The following CRK variants were observed in gnomAD, a reference collection of about 807,000 sequenced individuals.
The protein encoded by CRK is CRK proto-oncogene, adaptor protein.
Under a neutral mutation model 29.8 loss-of-function variants are expected in CRK, and 4 were observed. The observed-to-expected ratio is 0.13, with a 90% confidence interval of 0.07 to 0.31. The LOEUF (loss-of-function observed/expected upper bound fraction) is 0.31, where lower values mean the gene tolerates loss of function less well. CRK is among the 10% of genes least tolerant of loss of function. CRK has a pLI of 1.00. For missense variants in CRK, 274 were observed against 396.5 expected, an observed-to-expected ratio of 0.69 and a Z score of 2.62; for synonymous variants, 153 against 164.9, an observed-to-expected ratio of 0.93 and a Z score of 0.55.
intron 2 of CRK, among the ~76,000 whole-genome samples, chr17:1,427,305 G>T (rs56987218): frequency 1.4e-5 from 2 of 142,106 alleles, no homozygotes; most frequent in Non-Finnish European, 3.1e-5. Flanking sequence ...AAAAAAAAAA[G>T]AATCTTGGCC....
intron 1 of CRK, among the ~76,000 whole-genome samples, chr17:1,442,109 T>TGCCTCC (rs564789872): frequency 1.4e-3 from 207 of 151,608 alleles, no homozygotes; most frequent in African/African-American, 4.9e-3. Flanking sequence ...CACTTGCCTC[T>TGCCTCC]GCCTCCGAAA....
In CRK at chr17:1,436,832, T is replaced by C; in HGVS notation, c.565A>G (p.Lys189Glu). ...ACTGAGGCGGAGGCAGGTCTATACT[T>C]CTCGACGTAAGGGACTGGAATCATC... is the stretch of plus-strand genomic sequence containing the variant. ...RGMIPVPYVEKYRPASASVSA... is the reference protein window; with the variant it reads ...RGMIPVPYVEEYRPASASVSA... Residue 189 changes from lysine (K) to glutamate (E), a missense_variant, in exon 2 of 3, where the codon AAG (lysine) becomes GAG (glutamate). Physicochemically the swap from Lys to Glu is moderately conservative, Grantham distance 56. Coordinates refer to ENST00000300574, the MANE Select transcript of CRK (RefSeq NM_016823.4). 1 of 1,594,356 alleles carries C rather than the reference T, an allele frequency of 6.3e-7. No homozygotes were observed. Among genetic ancestry groups the C allele is most frequent in the Non-Finnish European group, 8.5e-7 (1 of 1,169,864 alleles).
intron 2 of CRK, among the ~76,000 whole-genome samples, chr17:1,425,697 A>G (rs938715271): frequency 7.2e-5 from 11 of 152,256 alleles, no homozygotes; most frequent in African/African-American, 2.7e-4. Context: ...ACGTAAGTCC[A>G]GCCGCAGGGC....
chr17:1,449,051 G>C (rs1173510497), intron 1 of CRK, among the ~76,000 whole-genome samples: 1 of 152,128 alleles, frequency 6.6e-6, no homozygotes, highest in Non-Finnish European at 1.5e-5. Flanking sequence ...GAAGTGGCTT[G>C]GCCCAGCTGC....
At chr17:1,448,620 CAAAAAAAAAAA>C (rs1292024313) in intron 1 of CRK, among the ~76,000 whole-genome samples, 1 of 32,360 alleles carries the variant, frequency 3.1e-5, no homozygotes, top group Non-Finnish European at 5.3e-5. Context: ...GACTCCATCT[CAAAAAAAAAAA>C]AAAAAAAAAA....
intron 2 of CRK, among the ~76,000 whole-genome samples, chr17:1,429,921 T>C (rs572815849): frequency 6.7e-6 from 1 of 149,436 alleles, no homozygotes; most frequent in East Asian, 1.9e-4. Flanking sequence ...CAAAGCCTGA[T>C]CTCAAAAAAA....
At chr17:1,439,639 A>C (rs1357336599) in intron 1 of CRK, among the ~76,000 whole-genome samples, 1 of 151,674 alleles carries the variant, frequency 6.6e-6, no homozygotes, top group Non-Finnish European at 1.5e-5. Flanking sequence ...CCTGGAGCTC[A>C]GGAGTTCAAG....
intron 1 of CRK, among the ~76,000 whole-genome samples, chr17:1,440,330 G>GGT (rs1568016283): frequency 6.6e-6 from 1 of 151,776 alleles, no homozygotes; most frequent in Non-Finnish European, 1.5e-5. Flanking sequence ...CAGGCATAGT[G>GGT]GTGCATGCCT....
At chr17:1,448,328 C>T (rs1034570539) in intron 1 of CRK, among the ~76,000 whole-genome samples, 1 of 152,034 alleles carries the variant, frequency 6.6e-6, no homozygotes, top group South Asian at 2.1e-4. Flanking sequence ...AAATAAAGTT[C>T]CTAAAGTGGC....
chr17:1,437,025 A>G lies in CRK; in HGVS notation c.372T>C (p.Gly124=), dbSNP rs1158580243. The G allele has an allele frequency of 5.0e-6, 8 of 1,613,844 alleles. No homozygotes were observed. In the South Asian group the frequency reaches 8.8e-5, roughly 18 times the overall value. ...LIEPVSRSRQ[G]SGVILRQEEA... is the part of the protein sequence containing the mutation. ...CCTCCTGCCTGAGAATCACTCCACT[A>G]CCCTGCCTGGATCTGGAAACTGGTT... is the stretch of plus-strand genomic sequence containing the variant. The change falls in exon 2 of 3, where the codon GGT becomes GGC. Residue 124 remains glycine (G), a synonymous_variant. Coordinates refer to ENST00000300574, the MANE Select transcript of CRK (RefSeq NM_016823.4).
chr17:1,448,636 A>AG lies in CRK; in HGVS notation c.241+7240_241+7241insC, dbSNP rs1211379674. Among the ~76,000 whole-genome samples the AG allele has an allele frequency of 2.8e-5, 4 of 145,368 alleles. No individual in the cohort carries two copies. The East Asian group carries it at 7.9e-4, about 29-fold the overall frequency. ...ACTCCATCTCAAAAAAAAAAAAAAA[A>AG]AAAAAAGAAAAAGTGGCTCGTACAT... On this transcript the variant is annotated intron_variant, in intron 1 of 2. Coordinates refer to ENST00000300574, the MANE Select transcript of CRK (RefSeq NM_016823.4).
rs2073720894 is a variant in CRK, at chr17:1,421,176, G to C, written c.*2337C>G. 6.6e-6 allele frequency: 1 copy of C among 152,172 alleles called. No individual in the cohort carries two copies. The highest frequency in any genetic ancestry group is 6.6e-5 in the Admixed American group (1 of 15,260). The allele number at this position is 152,172 out of a possible 1,614,324, so 9.4% of individuals were successfully genotyped here. A position where few individuals can be genotyped will look rare whatever the true frequency, so the allele number is the denominator to read the frequency against. ...AGTCAAATCCAGCCCAGTGGTTCAT[G>C]AACGGCCCTGGATCACTGATCACTG... On this transcript the variant is annotated 3_prime_UTR_variant, in exon 3 of 3. Coordinates refer to ENST00000300574, the MANE Select transcript of CRK (RefSeq NM_016823.4).
At chr17:1,442,606 C>CTT (rs33970272) in intron 1 of CRK, among the ~76,000 whole-genome samples, 58,594 of 120,880 alleles carry the variant, frequency 0.48, 16,128 homozygotes, top group Non-Finnish European at 0.6. Flanking sequence ...GTGAAAGGGT[C>CTT]TTTTTTTTTT....
chr17:1,455,199 A>G (rs375689725), intron 1 of CRK, among the ~76,000 whole-genome samples: 2 of 152,342 alleles, frequency 1.3e-5, no homozygotes, highest in Admixed American at 6.5e-5. Context: ...TCTCTTGCAC[A>G]TAGCCAGGCA....
rs150357455 is a variant in CRK, at chr17:1,432,132, C to T, written c.777+4488G>A. Among the ~76,000 whole-genome samples the T allele has an allele frequency of 5.9e-4, 90 of 152,268 alleles. 1 individual carries two copies. The Middle Eastern group carries it at 0.02, about 35-fold the overall frequency. On this transcript the variant is annotated intron_variant, in intron 2 of 2. Coordinates refer to ENST00000300574, the MANE Select transcript of CRK (RefSeq NM_016823.4). Reference sequence around the variant, plus strand: ...CAGCCTCCTCATCCTGTAACACATTCTTAGGAGCTTCTTACAGCTCTGTGG... The same window carrying T: ...CAGCCTCCTCATCCTGTAACACATTTTTAGGAGCTTCTTACAGCTCTGTGG...
intron 1 of CRK, among the ~76,000 whole-genome samples, chr17:1,455,439 C>G (rs953583670): frequency 6.6e-6 from 1 of 152,204 alleles, no homozygotes; most frequent in Admixed American, 6.5e-5. Context: ...ACGGCCAAAC[C>G]CGGCTCTCCA....
In CRK at chr17:1,436,685, TG is replaced by T; in HGVS notation, c.711del (p.Ile238TyrfsTer27). The T allele has an allele frequency of 6.2e-7, 1 of 1,612,858 alleles. No individual in the cohort carries two copies. ...CGCTTCTGGATAACCCTGGCATATA[TG>T]GGCCCATTCTGGAGGTTAGGGAGCG... ...NTPLPNLQNG[P>X]IYARVIQKRV... On this transcript the variant is annotated frameshift_variant, in exon 2 of 3. Transcript: ENST00000300574. LOFTEE classifies it high-confidence loss of function.
In CRK at chr17:1,434,792, CAAAAA is replaced by C. The variant is rs376877954; in HGVS notation, c.777+1823_777+1827del. ...AGTGAGATTTCGTCTCAAAAAGAACCAAAAAAAAAAAAAAAAATCCAAAAAAACCC... is the reference window on the plus strand; with the variant it reads ...AGTGAGATTTCGTCTCAAAAAGAACCAAAAAAAAAAAATCCAAAAAAACCC... On this transcript the variant is annotated intron_variant, in intron 2 of 2. Coordinates refer to ENST00000300574, the MANE Select transcript of CRK (RefSeq NM_016823.4). 1.4e-3 allele frequency among the ~76,000 whole-genome samples: 171 copies of C among 124,734 alleles called. 1 individual carries two copies. Among genetic ancestry groups the C allele is most frequent in the Non-Finnish European group, 1.8e-3 (111 of 61,126 alleles). The allele number at this position is 124,734 out of a possible 152,430, so 81.8% of individuals were successfully genotyped here.
At chr17:1,453,654 C>A (rs1038350292) in intron 1 of CRK, among the ~76,000 whole-genome samples, 2 of 152,152 alleles carry the variant, frequency 1.3e-5, no homozygotes, top group Non-Finnish European at 2.9e-5. Flanking sequence ...CGCCTGTAAT[C>A]CCAACACTTT....
Sources: gnomAD v4.1 joint callset for allele counts (sites outside exome capture counted in the v4.1 genomes callset) on GRCh38, gnomAD v4.1.1 for gene constraint, MANE v1.5 for transcripts, NCBI Gene and HGNC (gene_info 2026-07-23, HGNC 2026-07-21) for gene names.